NAALADL2: variants seen among roughly 807,000 people sequenced by gnomAD.
NAALADL2 encodes the protein N-acetylated alpha-linked acidic dipeptidase like 2, also known as inactive N-acetylated-alpha-linked acidic dipeptidase-like protein 2.
A neutral mutation model predicts 87.2 loss-of-function variants in NAALADL2; 76 were observed. That is an observed-to-expected ratio of 0.87 (90% CI 0.72 to 1.05). NAALADL2 has a LOEUF of 1.05. Ranked by LOEUF, NAALADL2 falls within the 50% of genes least tolerant of loss-of-function variation. The pLI is 0.00. For synonymous variants in NAALADL2, 354 were observed against 331.0 expected (o/e 1.07, Z -0.75); for missense variants, 1,089 against 945.8 (o/e 1.15, Z -1.99).
chr3:175,027,588 A>C (rs959367238), intron 1 of NAALADL2, among the ~76,000 whole-genome samples: 1 of 152,148 alleles, frequency 6.6e-6, no homozygotes, highest in African/African-American at 2.4e-5. Context: ...TGACTTAAGC[A>C]TTCAATCAGC....
chr3:175,087,875 C>T (rs1580374752), intron 1 of NAALADL2, among the ~76,000 whole-genome samples: 2 of 151,122 alleles, frequency 1.3e-5, no homozygotes, highest in East Asian at 2.0e-4. Flanking sequence ...CCAAATCCCC[C>T]TCTGCGAGAA....
intron 12 of NAALADL2, among the ~76,000 whole-genome samples, chr3:175,748,689 G>T (rs549701607): frequency 3.3e-4 from 50 of 152,214 alleles, no homozygotes; most frequent in African/African-American, 1.1e-3. Context: ...AATTGAATAC[G>T]CCTTTAAAAA....
intron 1 of NAALADL2, among the ~76,000 whole-genome samples, chr3:175,067,900 A>C (rs1301268957): frequency 6.6e-6 from 1 of 152,074 alleles, no homozygotes; most frequent in Admixed American, 6.6e-5. Context: ...CATGAAATAC[A>C]ATGCAGCTAA....
chr3:175,588,827 C>A (rs1261865391), intron 10 of NAALADL2, among the ~76,000 whole-genome samples: 1 of 152,074 alleles, frequency 6.6e-6, no homozygotes, highest in Admixed American at 6.6e-5. Context: ...CGTGAGCCAC[C>A]GTGCCCTGCC....
At chr3:174,529,724 A>G (rs1721070608) in intron 1 of NAALADL2, among the ~76,000 whole-genome samples, 1 of 152,190 alleles carries the variant, frequency 6.6e-6, no homozygotes, top group Admixed American at 6.5e-5. Context: ...ACCATGTGGA[A>G]GCTGCCAAGG....
intron 2 of NAALADL2, among the ~76,000 whole-genome samples, chr3:174,725,705 T>G (rs1384889458): frequency 6.6e-6 from 1 of 152,114 alleles, no homozygotes; most frequent in Non-Finnish European, 1.5e-5. Context: ...TCCTGGGATG[T>G]GGTATGTATG....
intron 1 of NAALADL2, among the ~76,000 whole-genome samples, chr3:174,946,307 G>A (rs1019131042): frequency 5.3e-5 from 8 of 151,978 alleles, no homozygotes; most frequent in African/African-American, 1.9e-4. Flanking sequence ...TTGGTCTAGT[G>A]TAAATAAAGT....
chr3:175,746,285 T>C (rs1046348141), intron 12 of NAALADL2, among the ~76,000 whole-genome samples: 5 of 151,086 alleles, frequency 3.3e-5, no homozygotes, highest in African/African-American at 1.2e-4. Flanking sequence ...GTTAGATTTG[T>C]AGTTTCAATT....
chr3:174,671,579 G>A (rs1441920650), intron 2 of NAALADL2, among the ~76,000 whole-genome samples: 2 of 152,034 alleles, frequency 1.3e-5, no homozygotes, highest in African/African-American at 4.8e-5. Flanking sequence ...TAGGCACAAT[G>A]ATGTGATGAA....
At chr3:174,677,852 C>T (rs901629234) in intron 2 of NAALADL2, among the ~76,000 whole-genome samples, 4 of 146,304 alleles carry the variant, frequency 2.7e-5, no homozygotes, top group Non-Finnish European at 6.0e-5. Flanking sequence ...TGCTTGGGGG[C>T]AATTTTAGAG....
At chr3:174,833,204 A>G (rs1395089701) in intron 3 of NAALADL2, among the ~76,000 whole-genome samples, 3 of 152,198 alleles carry the variant, frequency 2.0e-5, no homozygotes, top group Admixed American at 2.0e-4. Context: ...GAAGGAGATA[A>G]CTTTGGTTAA....
chr3:175,123,588 G>A (rs756851355), intron 2 of NAALADL2, among the ~76,000 whole-genome samples: 27 of 151,800 alleles, frequency 1.8e-4, no homozygotes, highest in Admixed American at 6.6e-4. Flanking sequence ...CCTCCAGCTG[G>A]GTTACCTGCA....
chr3:174,473,710 A>G (rs1390564158), intron 1 of NAALADL2, among the ~76,000 whole-genome samples: 1 of 152,050 alleles, frequency 6.6e-6, no homozygotes, highest in East Asian at 1.9e-4. Context: ...GACAATATTG[A>G]CTTTGGACTA....
At chr3:174,747,663 C>T (rs1445797353) in intron 3 of NAALADL2, among the ~76,000 whole-genome samples, 2 of 137,678 alleles carry the variant, frequency 1.5e-5, no homozygotes. Flanking sequence ...CAAGAAACAA[C>T]CTGCTGGTAA....
At chr3:174,667,049 G>A (rs617751) in intron 2 of NAALADL2, among the ~76,000 whole-genome samples, 97,922 of 151,992 alleles carry the variant, frequency 0.64, 32,202 homozygotes, top group Admixed American at 0.73. Flanking sequence ...TTCATTGAAC[G>A]TATTTACCAC....
Position 175,529,507 on chromosome 3 carries a change from G to A in NAALADL2, c.1654-46534G>A, listed in dbSNP as rs752237627. Among the ~76,000 whole-genome samples the A allele has an allele frequency of 4.7e-4, 72 of 152,268 alleles. 2 individuals carry two copies. Among genetic ancestry groups the A allele is most frequent in the Non-Finnish European group, 2.1e-4 (14 of 68,028 alleles). ...GTGAATCCTGGCTGTGGGAGAAACA[G>A]GACCATATATTGGACACTGAATAAG... On this transcript the variant is annotated intron_variant, in intron 9 of 13. Transcript: ENST00000454872.
At chr3:175,767,772 C>CA (rs1168386922) in intron 13 of NAALADL2, 2 of 152,086 alleles carry the variant, frequency 1.3e-5, no homozygotes, top group Non-Finnish European at 2.9e-5. Context: ...ATAGAACCTT[C>CA]AGTGACAGTT....
chr3:175,173,624 G>A (rs532504440), intron 2 of NAALADL2, among the ~76,000 whole-genome samples: 2 of 152,212 alleles, frequency 1.3e-5, no homozygotes, highest in East Asian at 3.9e-4. Flanking sequence ...CAACTTACTG[G>A]GCCATCTACT....
intron 1 of NAALADL2, among the ~76,000 whole-genome samples, chr3:174,861,898 A>AT (rs34752493): frequency 5.8e-4 from 84 of 145,242 alleles, no homozygotes; most frequent in South Asian, 2.4e-3. Context: ...TTGAGAACCC[A>AT]TTTTTTTTTT....
Sources: gnomAD v4.1 joint callset for allele counts (sites outside exome capture counted in the v4.1 genomes callset) on GRCh38, gnomAD v4.1.1 for gene constraint, MANE v1.5 for transcripts, NCBI Gene and HGNC (gene_info 2026-07-23, HGNC 2026-07-21) for gene names.